Variants in SMYD3 observed in about 807,000 individuals in gnomAD.
SMYD3 encodes SET and MYND domain containing 3, also known as histone-lysine N-methyltransferase SMYD3.
A neutral mutation model predicts 57.7 loss-of-function variants in SMYD3; 36 were observed. The ratio of observed to expected loss-of-function variants is 0.62; its 90% CI spans 0.48 to 0.82. SMYD3 has a LOEUF of 0.82. SMYD3 is among the 40% of genes least tolerant of loss of function. The pLI, the probability that SMYD3 is intolerant of heterozygous loss-of-function variation, is 0.00. For synonymous variants in SMYD3, 211 were observed against 195.0 expected (o/e 1.08, Z -0.68); for missense variants, 515 against 538.8 (o/e 0.96, Z 0.44).
chr1:246,043,118 G>A (rs2059905917), intron 5 of SMYD3, among the ~76,000 whole-genome samples: 1 of 152,034 alleles, frequency 6.6e-6, no homozygotes, highest in Admixed American at 6.5e-5. Flanking sequence ...ACTTAAGTAT[G>A]CACATGTACA....
intron 5 of SMYD3, among the ~76,000 whole-genome samples, chr1:246,307,258 C>T (rs72776385): frequency 0.15 from 23,010 of 152,060 alleles, 2,246 homozygotes; most frequent in East Asian, 0.3. Flanking sequence ...ATCCCAAATC[C>T]TGAGTCACCT....
intron 7 of SMYD3, among the ~76,000 whole-genome samples, chr1:245,924,048 C>T (rs950714013): frequency 6.6e-6 from 1 of 152,310 alleles, no homozygotes; most frequent in East Asian, 1.9e-4. Context: ...ACATTTCTCC[C>T]AGTTGATATG....
chr1:246,100,808 C>T (rs1216138869), intron 5 of SMYD3, among the ~76,000 whole-genome samples: 2 of 152,170 alleles, frequency 1.3e-5, no homozygotes, highest in Non-Finnish European at 2.9e-5. Flanking sequence ...ATAGAAAGAT[C>T]CCACGAACAC....
chr1:246,364,609 G>A (rs189115436), intron 1 of SMYD3, among the ~76,000 whole-genome samples: 120 of 152,238 alleles, frequency 7.9e-4, no homozygotes, highest in African/African-American at 2.7e-3. Context: ...GGATAAAAAC[G>A]GAATCCTATA....
chr1:245,799,248 C>CAG (rs903258604), intron 10 of SMYD3, among the ~76,000 whole-genome samples: 4 of 152,162 alleles, frequency 2.6e-5, no homozygotes, highest in Admixed American at 1.3e-4. Flanking sequence ...AGCAACATCA[C>CAG]AGAGAGAGAG....
Position 245,833,073 on chromosome 1 carries a change from A to AAAAAAAAAAAAAAAAAAAAC in SMYD3, c.1076+25422_1076+25423insGTTTTTTTTTTTTTTTTTTT. ...GGAATATGTGACAAAAAAAAAAAAA[A>AAAAAAAAAAAAAAAAAAAAC]AACCTGCTTTTATAATGCTGATTCA... On this transcript the variant is annotated intron_variant, in intron 10 of 11. Coordinates refer to ENST00000490107, the MANE Select transcript of SMYD3 (RefSeq NM_001167740.2). Among the ~76,000 whole-genome samples, 245 of 128,584 alleles carry AAAAAAAAAAAAAAAAAAAAC rather than the reference A, an allele frequency of 1.9e-3. 10 individuals are homozygous for AAAAAAAAAAAAAAAAAAAAC. The highest frequency in any genetic ancestry group is 4.0e-3 in the African/African-American group (133 of 33,592). The allele number at this position is 128,584 out of a possible 152,430, so 84.4% of individuals were successfully genotyped here.
intron 6 of SMYD3, 122 bp from the exon 7 acceptor site, chr1:245,928,155 T>C (rs6669768): frequency 0.89 from 539,963 of 606,928 alleles, 236,501 homozygotes; most frequent in Non-Finnish European, 0.92. Context: ...GTTGACAGGA[T>C]GCCAGGGGTT....
At chr1:245,905,605 A>G (rs1464140582) in intron 8 of SMYD3, among the ~76,000 whole-genome samples, 1 of 152,232 alleles carries the variant, frequency 6.6e-6, no homozygotes, top group Non-Finnish European at 1.5e-5. Flanking sequence ...ACTCCCAGAC[A>G]GTACTTCTGG....
intron 5 of SMYD3, among the ~76,000 whole-genome samples, chr1:246,147,812 G>A (rs1310128196): frequency 6.6e-6 from 1 of 152,130 alleles, no homozygotes; most frequent in Non-Finnish European, 1.5e-5. Flanking sequence ...CCAGGGACAA[G>A]AGGGAGCCCC....
At chr1:245,982,564 A>G (rs959869173) in intron 5 of SMYD3, among the ~76,000 whole-genome samples, 4 of 152,362 alleles carry the variant, frequency 2.6e-5, no homozygotes, top group Admixed American at 1.3e-4. Context: ...TCCATCAAAT[A>G]AATCTTAAAG....
intron 1 of SMYD3, among the ~76,000 whole-genome samples, chr1:246,482,649 G>A (rs1274712595): frequency 6.6e-6 from 1 of 152,150 alleles, no homozygotes; most frequent in African/African-American, 2.4e-5. Context: ...TCTCAGTCAA[G>A]TGCTTTCTTC....
intron 4 of SMYD3, among the ~76,000 whole-genome samples, chr1:246,329,056 T>C (rs1284524850): frequency 1.3e-5 from 2 of 152,354 alleles, no homozygotes; most frequent in African/African-American, 2.4e-5. Flanking sequence ...TTCCATGGTG[T>C]ATATGTGCCA....
At chr1:246,414,200 G>A (rs1270743375) in intron 1 of SMYD3, among the ~76,000 whole-genome samples, 1 of 152,186 alleles carries the variant, frequency 6.6e-6, no homozygotes, top group Non-Finnish European at 1.5e-5. Flanking sequence ...GCAGTCTTTA[G>A]AGAGAGACCA....
chr1:246,339,019 T>C (rs1470409116), intron 2 of SMYD3, among the ~76,000 whole-genome samples: 1 of 140,556 alleles, frequency 7.1e-6, no homozygotes, highest in African/African-American at 3.3e-5. Flanking sequence ...GGAAAACTTG[T>C]TTATAATTGT....
At chr1:246,405,908 T>TAA (rs2066856514) in intron 1 of SMYD3, among the ~76,000 whole-genome samples, 2 of 64,518 alleles carry the variant, frequency 3.1e-5, no homozygotes, top group Admixed American at 1.8e-4. Flanking sequence ...AGACTCTGTC[T>TAA]CAAAAAAAAA....
At chr1:246,270,243 T>C (rs2064195775) in intron 5 of SMYD3, among the ~76,000 whole-genome samples, 1 of 152,192 alleles carries the variant, frequency 6.6e-6, no homozygotes, top group Non-Finnish European at 1.5e-5. Context: ...CATCAAACCA[T>C]TCATTTCTCA....
At chr1:245,849,713 C>T (rs1056830688) in intron 10 of SMYD3, among the ~76,000 whole-genome samples, 5 of 152,046 alleles carry the variant, frequency 3.3e-5, no homozygotes, top group East Asian at 1.9e-4. Context: ...AGTGCAACGA[C>T]GTGATCACAG....
chr1:246,324,990 G>A (rs1180368754), intron 5 of SMYD3, among the ~76,000 whole-genome samples: 1 of 125,364 alleles, frequency 8.0e-6, no homozygotes, highest in African/African-American at 3.0e-5. Flanking sequence ...GAGTCAGGGG[G>A]CGGGAAGGAG....
chr1:246,485,692 AG>A (rs1297204192), intron 1 of SMYD3, among the ~76,000 whole-genome samples: 4 of 152,160 alleles, frequency 2.6e-5, no homozygotes, highest in Admixed American at 6.5e-5. Flanking sequence ...ATTTGGGCTG[AG>A]GTGGAAAGAT....
Sources: allele counts gnomAD v4.1 joint callset (sites outside exome capture counted in the v4.1 genomes callset), GRCh38; gene constraint gnomAD v4.1.1; transcripts MANE v1.5; gene names NCBI Gene and HGNC (gene_info 2026-07-23, HGNC 2026-07-21).